LRRC4C: variants seen among roughly 807,000 people sequenced by gnomAD.
The protein encoded by LRRC4C is leucine-rich repeat-containing protein 4C.
In LRRC4C, 5 loss-of-function variants were observed where a neutral mutation model predicts 33.6. That is an observed-to-expected ratio of 0.15 (90% CI 0.08 to 0.31). LRRC4C has a LOEUF of 0.31. Among genes scored for constraint, LRRC4C ranks in the 10% least tolerant of loss-of-function variants. The probability of loss-of-function intolerance (pLI) is 1.00; values close to 1 mark genes in which losing one functional copy is unlikely to be tolerated. For missense variants in LRRC4C, 560 were observed against 796.7 expected (o/e 0.70, Z 3.58); for synonymous variants, 329 against 302.0 (o/e 1.09, Z -0.93).
intron 1 of LRRC4C, among the ~76,000 whole-genome samples, chr11:41,340,646 C>A (rs1261467698): frequency 6.6e-6 from 1 of 152,038 alleles, no homozygotes; most frequent in Non-Finnish European, 1.5e-5. Context: ...TCTTCCTCTG[C>A]CAGTTATTGG....
chr11:41,444,255 C>T (rs1955748474), intron 1 of LRRC4C, among the ~76,000 whole-genome samples: 1 of 152,118 alleles, frequency 6.6e-6, no homozygotes, highest in South Asian at 2.1e-4. Flanking sequence ...TAAAAATATG[C>T]ACAGTTGTGT....
intron 3 of LRRC4C, among the ~76,000 whole-genome samples, chr11:40,399,475 T>C (rs1201330459): frequency 1.3e-5 from 2 of 151,720 alleles, no homozygotes; most frequent in African/African-American, 4.8e-5. Context: ...TAGGTGGGAA[T>C]TGAACAATGA....
At chr11:40,213,276 G>A (rs1863739309) in intron 5 of LRRC4C, among the ~76,000 whole-genome samples, 2 of 152,016 alleles carry the variant, frequency 1.3e-5, no homozygotes, top group South Asian at 2.1e-4. Context: ...TCTCTTACTT[G>A]GATTTTGGTC....
At chr11:40,194,780 C>T (rs192202445) in intron 5 of LRRC4C, among the ~76,000 whole-genome samples, 1 of 152,236 alleles carries the variant, frequency 6.6e-6, no homozygotes, top group East Asian at 1.9e-4. Flanking sequence ...AACAAAAAAT[C>T]TATAGATTAT....
chr11:41,428,656 C>T (rs1955126527), intron 1 of LRRC4C, among the ~76,000 whole-genome samples: 1 of 152,052 alleles, frequency 6.6e-6, no homozygotes, highest in African/African-American at 2.4e-5. Flanking sequence ...ATGTTGTCAC[C>T]TTTGCTGGTT....
intron 3 of LRRC4C, among the ~76,000 whole-genome samples, chr11:40,582,787 G>A (rs1958531331): frequency 2.6e-5 from 4 of 151,860 alleles, no homozygotes; most frequent in Admixed American, 2.6e-4. Context: ...AAAGTGCTGG[G>A]ATTACAGGCG....
chr11:40,684,241 T>A (rs888657474), intron 2 of LRRC4C, among the ~76,000 whole-genome samples: 1 of 151,894 alleles, frequency 6.6e-6, no homozygotes, highest in African/African-American at 2.4e-5. Context: ...GAAAAGAGAA[T>A]AAAGTAATTC....
At chr11:41,192,238 T>G (rs1945984450) in intron 1 of LRRC4C, among the ~76,000 whole-genome samples, 1 of 152,220 alleles carries the variant, frequency 6.6e-6, no homozygotes, top group East Asian at 1.9e-4. Flanking sequence ...CATGCTTGCA[T>G]GTAAGCCCCA....
chr11:40,486,742 G>A (rs1297675685), intron 3 of LRRC4C, among the ~76,000 whole-genome samples: 1 of 151,970 alleles, frequency 6.6e-6, no homozygotes, highest in African/African-American at 2.4e-5. Context: ...GGAAAATGGT[G>A]TGTATATAGA....
intron 2 of LRRC4C, among the ~76,000 whole-genome samples, chr11:40,752,599 A>G (rs1039814636): frequency 1.2e-4 from 18 of 152,008 alleles, no homozygotes; most frequent in Non-Finnish European, 2.1e-4. Context: ...CAAACAAAAC[A>G]AAACAGCAAC....
At chr11:40,396,656 G>A (rs1408853646) in intron 3 of LRRC4C, among the ~76,000 whole-genome samples, 1 of 152,052 alleles carries the variant, frequency 6.6e-6, no homozygotes, top group Non-Finnish European at 1.5e-5. Flanking sequence ...GCATATCACA[G>A]CATGGTGATA....
At chr11:41,443,072 ATT>A (rs1169883280) in intron 1 of LRRC4C, among the ~76,000 whole-genome samples, 2 of 93,024 alleles carry the variant, frequency 2.1e-5, no homozygotes, top group African/African-American at 7.6e-5. Flanking sequence ...TTATTTATTT[ATT>A]TTTATGTTTG....
intron 1 of LRRC4C, among the ~76,000 whole-genome samples, chr11:41,233,347 T>C (rs556377351): frequency 5.4e-4 from 82 of 152,158 alleles, no homozygotes; most frequent in African/African-American, 2.0e-3. Context: ...TCAATATTAC[T>C]TATAATATTA....
chr11:41,288,156 G>T (rs1358392043), intron 1 of LRRC4C, among the ~76,000 whole-genome samples: 1 of 152,148 alleles, frequency 6.6e-6, no homozygotes, highest in Non-Finnish European at 1.5e-5. Flanking sequence ...GAAACAAGTA[G>T]GCAAATAAAC....
At chr11:40,253,166 T>C (rs889133867) in intron 4 of LRRC4C, among the ~76,000 whole-genome samples, 7 of 152,220 alleles carry the variant, frequency 4.6e-5, no homozygotes, top group Non-Finnish European at 1.0e-4. Flanking sequence ...TTCACCTAGG[T>C]ATATATACTT....
chr11:40,563,553 G>T (rs186970160), intron 3 of LRRC4C, among the ~76,000 whole-genome samples: 71 of 152,238 alleles, frequency 4.7e-4, no homozygotes, highest in Non-Finnish European at 2.5e-4. Context: ...GGGTCTTTTT[G>T]GTAGATGCTT....
chr11:40,683,242 G>T (rs992654543), intron 2 of LRRC4C, among the ~76,000 whole-genome samples: 16 of 152,128 alleles, frequency 1.1e-4, no homozygotes, highest in African/African-American at 2.4e-4. Context: ...CGTAAGTATA[G>T]GTATGCTCGG....
chr11:41,304,200 C>T (rs1390364391), intron 1 of LRRC4C, among the ~76,000 whole-genome samples: 9 of 118,178 alleles, frequency 7.6e-5, no homozygotes, highest in East Asian at 6.2e-4. Context: ...CCTGGCCAGC[C>T]GCCCCGTCCG....
chr11:40,451,309 A>G (rs529807688), intron 3 of LRRC4C, among the ~76,000 whole-genome samples: 1 of 150,568 alleles, frequency 6.6e-6, no homozygotes. Flanking sequence ...TAAGACTCAA[A>G]TTACCAAAAT....
Sources: allele counts gnomAD v4.1 joint callset (sites outside exome capture counted in the v4.1 genomes callset), GRCh38; gene constraint gnomAD v4.1.1; transcripts MANE v1.5; gene names NCBI Gene and HGNC (gene_info 2026-07-23, HGNC 2026-07-21).